Variants in KPNA7 observed in about 807,000 individuals in gnomAD.
KPNA7 encodes the protein importin subunit alpha-8.
A neutral mutation model predicts 53.7 loss-of-function variants in KPNA7; 54 were observed. The ratio of observed to expected loss-of-function variants is 1.01; its 90% CI spans 0.81 to 1.26. The LOEUF is 1.26. Ranked by LOEUF, KPNA7 falls within the 50% of genes most tolerant of loss-of-function variation. The pLI is 0.00. For missense variants in KPNA7, 640 were observed against 644.5 expected (o/e 0.99, Z 0.07); for synonymous variants, 276 against 259.3 (o/e 1.06, Z -0.62).
intron 10 of KPNA7, among the ~76,000 whole-genome samples, chr7:99,174,085 C>A (rs1798822055): frequency 6.6e-6 from 1 of 152,140 alleles, no homozygotes; most frequent in Admixed American, 6.6e-5. Context: ...GAGCAGCAGG[C>A]CAGCAAGCGA....
chr7:99,184,913 T>G lies in KPNA7; in HGVS notation c.1134+16A>C, dbSNP rs1455911785. The G allele has an allele frequency of 6.5e-7, 1 of 1,548,070 alleles. No individual in the cohort carries two copies. The highest frequency in any genetic ancestry group is 1.2e-5 in the South Asian group (1 of 83,996). On this transcript the variant is annotated intron_variant, in intron 8 of 10. Coordinates refer to ENST00000327442, the MANE Select transcript of KPNA7 (RefSeq NM_001145715.3). ...GAAAGTAGTCCTTTGCCATGGTTGC[T>G]GTGTGCGCCACTTACGTTTTTTAGC...
chr7:99,195,068 A>T lies in KPNA7; in HGVS notation c.553+2T>A. The T allele has an allele frequency of 6.4e-7, 1 of 1,551,208 alleles. No homozygotes were observed. Among genetic ancestry groups the T allele is most frequent in the Non-Finnish European group, 8.7e-7 (1 of 1,146,646 alleles). On this transcript the variant is annotated splice_donor_variant, in intron 5 of 10. Coordinates refer to ENST00000327442, the MANE Select transcript of KPNA7 (RefSeq NM_001145715.3). LOFTEE classifies it high-confidence loss of function. ...CTTAGCCCACTAAGGGGAGAGTCTC[A>T]CCGGCTATATTACCAAGAGCCCACA...
At chr7:99,181,049 C>CCA (rs1799221091) in intron 9 of KPNA7, among the ~76,000 whole-genome samples, 1 of 115,308 alleles carries the variant, frequency 8.7e-6, no homozygotes, top group African/African-American at 4.8e-5. Flanking sequence ...CTCTCTCTCT[C>CCA]TCTCCGTCTG....
chr7:99,167,727 C>T, the KPNA7 span, among the ~76,000 whole-genome samples: 1 of 149,462 alleles, frequency 6.7e-6, no homozygotes, highest in African/African-American at 2.5e-5. Flanking sequence ...GTGATCCGCC[C>T]ACCTTGGCCT....
At chr7:99,199,624 A>C (rs1336596434) in intron 3 of KPNA7, among the ~76,000 whole-genome samples, 1 of 152,246 alleles carries the variant, frequency 6.6e-6, no homozygotes, top group African/African-American at 2.4e-5. Context: ...AGTAAGAGCT[A>C]AAATTATGAA....
In KPNA7 at chr7:99,185,162, T is replaced by A. The variant is rs147552597; in HGVS notation, c.901A>T (p.Thr301Ser). Reference protein sequence around the residue: ...LMTSSELNVLTPSLRTVGNIV... With the variant: ...LMTSSELNVLSPSLRTVGNIV... Reference sequence around the variant, plus strand: ...TTCCCCACGGTGCGGAGAGAAGGAGTCTGGAAGAGCAAGGCTAGAAGTCTA... The same window carrying A: ...TTCCCCACGGTGCGGAGAGAAGGAGACTGGAAGAGCAAGGCTAGAAGTCTA... Residue 301 changes from threonine (T) to serine (S), a missense_variant and splice_region_variant, in exon 8 of 11, where the codon ACT becomes TCT. By Grantham distance (58) the Thr-to-Ser change is moderately conservative. Coordinates refer to ENST00000327442, the MANE Select transcript of KPNA7 (RefSeq NM_001145715.3). The A allele has an allele frequency of 1.1e-3, 1,647 of 1,547,248 alleles. 22 individuals carry two copies. The African/African-American group carries it at 0.02, about 19-fold the overall frequency.
intron 7 of KPNA7, among the ~76,000 whole-genome samples, chr7:99,187,897 C>G (rs1325504770): frequency 6.8e-6 from 1 of 146,418 alleles, no homozygotes; most frequent in Non-Finnish European, 1.5e-5. Flanking sequence ...CAAAGATGGG[C>G]AGGCACAGTG....
At chr7:99,175,851 C>A (rs1264887713) in intron 10 of KPNA7, among the ~76,000 whole-genome samples, 4 of 152,004 alleles carry the variant, frequency 2.6e-5, no homozygotes, top group African/African-American at 9.7e-5. Context: ...CTAACTGCCC[C>A]AGCTAACCAC....
intron 9 of KPNA7, among the ~76,000 whole-genome samples, chr7:99,180,117 G>A (rs1030806710): frequency 1.3e-5 from 2 of 152,184 alleles, no homozygotes; most frequent in African/African-American, 2.4e-5. Context: ...TAGGAAGCCA[G>A]CTGCCGTGAT....
rs550198713 is a variant in KPNA7 at position 99,188,355 on chromosome 7, G to A, written c.845C>T (p.Thr282Met). ...SNKRIGQVVN[T>M]GVLPRLVVLM... Reference sequence around the variant, plus strand: ...CACTACCAGCCTGGGCAGGACCCCCGTGTTAACCACTTGGCCGATGCGCTT... The same window carrying A: ...CACTACCAGCCTGGGCAGGACCCCCATGTTAACCACTTGGCCGATGCGCTT... Residue 282 changes from threonine (T) to methionine (M), a missense_variant, in exon 7 of 11, where the codon ACG becomes ATG. By Grantham distance (81) the Thr-to-Met change is moderately conservative. Transcript: ENST00000327442. 13 of 1,551,536 alleles carry A rather than the reference G, an allele frequency of 8.4e-6. No individual in the cohort carries two copies. The highest frequency in any genetic ancestry group is 1.7e-4 in the Middle Eastern group (1 of 5,992).
chr7:99,217,402 C>T (rs187401939), intron 1 of KPNA7, among the ~76,000 whole-genome samples: 152 of 152,238 alleles, frequency 1.0e-3, no homozygotes, highest in African/African-American at 3.4e-3. Flanking sequence ...AAGCTAAAAA[C>T]ACATGTTGGA....
At chr7:99,152,244 C>T in the KPNA7 span, among the ~76,000 whole-genome samples, 1 of 151,878 alleles carries the variant, frequency 6.6e-6, no homozygotes, top group Non-Finnish European at 1.5e-5. Context: ...TGCCTATAAT[C>T]CCAGTTACAC....
At chr7:99,157,036 T>C in the KPNA7 span, among the ~76,000 whole-genome samples, 1 of 151,780 alleles carries the variant, frequency 6.6e-6, no homozygotes, top group Non-Finnish European at 1.5e-5. Flanking sequence ...TTTGTTCTGG[T>C]AATCATTTAA....
At chr7:99,205,747 A>G (rs1328879124) in intron 2 of KPNA7, among the ~76,000 whole-genome samples, 1 of 152,070 alleles carries the variant, frequency 6.6e-6, no homozygotes, top group African/African-American at 2.4e-5. Flanking sequence ...GCTACTTGGG[A>G]GGCTGAGGCA....
intron 8 of KPNA7, among the ~76,000 whole-genome samples, 177 bp from the exon 9 acceptor site, chr7:99,182,242 G>A (rs1789293805): frequency 6.6e-6 from 1 of 152,136 alleles, no homozygotes; most frequent in African/African-American, 2.4e-5. Flanking sequence ...CTGTCGCCCA[G>A]GCTGGAGTGC....
chr7:99,146,209 C>A, the KPNA7 span, among the ~76,000 whole-genome samples: 1 of 152,126 alleles, frequency 6.6e-6, no homozygotes, highest in Non-Finnish European at 1.5e-5. Context: ...GACCTGGAAA[C>A]CTTTCATTGC....
At position 99,196,189 on chromosome 7, in the gene KPNA7, G is replaced by T. The variant is rs745632350; in HGVS notation, c.202-23C>A. The T allele has an allele frequency of 5.2e-6, 8 of 1,524,318 alleles. No homozygotes were observed. The South Asian group carries it at 6.0e-5, about 11-fold the overall frequency. The allele number at this position is 1,524,318 out of a possible 1,614,324, so 94.4% of individuals were successfully genotyped here. A position where few individuals can be genotyped will look rare whatever the true frequency, so the allele number is the denominator to read the frequency against. On this transcript the variant is annotated intron_variant, in intron 3 of 10. Transcript: ENST00000327442. The stretch of plus-strand genomic sequence containing the variant: ...GACCTGCAAGAAGAGACACATTCAG[G>T]TCAGACTGTCTGCCAAAATGAGCTG...
In KPNA7 at chr7:99,188,561, G is replaced by C; in HGVS notation, c.639C>G (p.Ile213Met). 1 of 1,551,136 alleles carries C rather than the reference G, an allele frequency of 6.4e-7. No homozygotes were observed. The highest frequency in any genetic ancestry group is 1.4e-5 in the African/African-American group (1 of 73,168). Residue 213 changes from isoleucine to methionine, a missense_variant and splice_region_variant, in exon 7 of 11, where the codon ATC (isoleucine) becomes ATG (methionine). Physicochemically the swap from Ile to Met is conservative, Grantham distance 10. Coordinates refer to ENST00000327442, the MANE Select transcript of KPNA7 (RefSeq NM_001145715.3). ...TCCACGTGATGTTCCGCAGAAATGT[G>C]ATCTGTAACAAGGAGACTGCCTCCA... Reference protein sequence around the residue: ...LLALISPTLPITFLRNITWTL... With the variant: ...LLALISPTLPMTFLRNITWTL...
chr7:99,206,945 G>A (rs116260729), intron 2 of KPNA7, among the ~76,000 whole-genome samples: 1 of 152,198 alleles, frequency 6.6e-6, no homozygotes, highest in African/African-American at 2.4e-5. Flanking sequence ...AAAGTTGGAA[G>A]GATAATTCAG....
Sources: allele counts gnomAD v4.1 joint callset (sites outside exome capture counted in the v4.1 genomes callset), GRCh38; gene constraint gnomAD v4.1.1; transcripts MANE v1.5; gene names NCBI Gene and HGNC (gene_info 2026-07-23, HGNC 2026-07-21).